Variants in FBN2 observed in about 807,000 individuals in gnomAD.
FBN2 encodes the protein fibrillin-2.
A neutral mutation model predicts 355.6 loss-of-function variants in FBN2; 105 were observed. The observed-to-expected ratio is 0.30, with a 90% CI of 0.25 to 0.35. FBN2 has a LOEUF of 0.35. Among genes scored for constraint, FBN2 ranks in the 10% least tolerant of loss-of-function variants. The pLI, the probability that FBN2 is intolerant of heterozygous loss-of-function variation, is 1.00. For synonymous variants in FBN2, 1,350 were observed against 1,301.2 expected (o/e 1.04, Z -0.81); for missense variants, 3,280 against 3,758.7 (o/e 0.87, Z 3.33).
At chr5:128,314,403 G>T (rs1328941907) in intron 36 of FBN2, among the ~76,000 whole-genome samples, 1 of 150,028 alleles carries the variant, frequency 6.7e-6, no homozygotes, top group Non-Finnish European at 1.5e-5. Flanking sequence ...TCGGCCCACT[G>T]CAACCTCTGC....
chr5:128,511,693 A>AT (rs1756135137), intron 5 of FBN2, among the ~76,000 whole-genome samples: 1 of 152,208 alleles, frequency 6.6e-6, no homozygotes, highest in Non-Finnish European at 1.5e-5. Context: ...ATGGCAGGTA[A>AT]AAGGACAGGA....
intron 44 of FBN2, 84 bp from the exon 45 acceptor site, chr5:128,305,166 G>A (rs1358062519): frequency 1.6e-6 from 2 of 1,212,588 alleles, no homozygotes; most frequent in Admixed American, 2.0e-5. Flanking sequence ...TCTCTAATCT[G>A]CTATTAATTA....
chr5:128,295,157 G>C (rs1377292865), intron 48 of FBN2, among the ~76,000 whole-genome samples: 108 of 129,942 alleles, frequency 8.3e-4, no homozygotes, highest in South Asian at 1.3e-3. Context: ...GATATGCGGC[G>C]TTATTTCTGA....
rs1199689449 is a variant in FBN2, at chr5:128,301,486, A to T, written c.5942T>A (p.Phe1981Tyr). ...ACGTCCATTTCTGCACACCTGACCAAAAAAGGAACTGCACTCATCTATGTC... is the reference window on the plus strand; with the variant it reads ...ACGTCCATTTCTGCACACCTGACCATAAAAGGAACTGCACTCATCTATGTC... ...CLDIDECSSF[F>Y]GQVCRNGRCF... The change falls in exon 47 of 65, where the codon TTT becomes TAT. Residue 1981 changes from phenylalanine (F) to tyrosine (Y), a missense_variant. Physicochemically the swap from Phe to Tyr is conservative, Grantham distance 22 (BLOSUM62 3). Transcript: ENST00000262464. 2 of 1,613,596 alleles carry T rather than the reference A, an allele frequency of 1.2e-6. No individual in the cohort carries two copies. Among genetic ancestry groups the T allele is most frequent in the South Asian group, 2.2e-5 (2 of 91,078 alleles).
At chr5:128,351,783 T>A (rs1208438554) in intron 20 of FBN2, among the ~76,000 whole-genome samples, 1 of 152,000 alleles carries the variant, frequency 6.6e-6, no homozygotes, top group African/African-American at 2.4e-5. Context: ...TTGGTCTGGT[T>A]TGGAACTCCA....
chr5:128,419,585 G>C (rs1270522884), intron 7 of FBN2, among the ~76,000 whole-genome samples: 1 of 151,764 alleles, frequency 6.6e-6, no homozygotes, highest in Non-Finnish European at 1.5e-5. Context: ...ATATATTGAG[G>C]TGATCACGGC....
intron 64 of FBN2, among the ~76,000 whole-genome samples, chr5:128,260,749 T>A (rs1412357789): frequency 6.6e-6 from 1 of 152,200 alleles, no homozygotes; most frequent in African/African-American, 2.4e-5. Flanking sequence ...ACTTTTTGGC[T>A]AGACAAGTCA....
At chr5:128,390,273 G>A (rs1752478190) in intron 11 of FBN2, among the ~76,000 whole-genome samples, 1 of 152,150 alleles carries the variant, frequency 6.6e-6, no homozygotes, top group East Asian at 1.9e-4. Context: ...ACTCTTTATA[G>A]CAGCTGTTCT....
At chr5:128,420,851 A>T (rs1753327248) in intron 7 of FBN2, among the ~76,000 whole-genome samples, 2 of 152,214 alleles carry the variant, frequency 1.3e-5, no homozygotes, top group Non-Finnish European at 2.9e-5. Context: ...AAATACCTAA[A>T]TGTGAAACAA....
At chr5:128,339,150 G>GTAACA in intron 25 of FBN2, 89 bp from the exon 26 acceptor site, 6 of 1,345,050 alleles carry the variant, frequency 4.5e-6, no homozygotes, top group Non-Finnish European at 6.4e-6. Flanking sequence ...GAAAAGTTGG[G>GTAACA]GAAATTGCTG....
intron 46 of FBN2, 58 bp from the exon 47 acceptor site, chr5:128,301,568 A>C (rs1749721197): frequency 1.3e-6 from 2 of 1,518,164 alleles, no homozygotes; most frequent in Admixed American, 1.7e-5. Context: ...ATATTGTTTC[A>C]CAAGACGCTA....
chr5:128,327,183 T>C (rs586115), intron 34 of FBN2, among the ~76,000 whole-genome samples: 32,301 of 152,188 alleles, frequency 0.21, 3,532 homozygotes, highest in African/African-American at 0.25. Context: ...TAAAATGGAT[T>C]AGATTCTGCC....
intron 54 of FBN2, 41 bp downstream of exon 54, chr5:128,287,267 G>A (rs1749180615): frequency 6.2e-7 from 1 of 1,607,974 alleles, no homozygotes; most frequent in African/African-American, 1.3e-5. Flanking sequence ...TCTCCAGCAT[G>A]ACAAATAAAG....
chr5:128,302,908 T>A (rs1053578426), intron 46 of FBN2, 65 bp downstream of exon 46: 6 of 969,156 alleles, frequency 6.2e-6, no homozygotes, highest in Non-Finnish European at 1.0e-5. Context: ...TTAGTTTTGT[T>A]TTTTATTTCA....
At chr5:128,447,145 C>T (rs79131473) in intron 6 of FBN2, among the ~76,000 whole-genome samples, 6 of 152,060 alleles carry the variant, frequency 3.9e-5, no homozygotes, top group Admixed American at 1.3e-4. Context: ...GTGATGATTG[C>T]GTTAACGGCA....
chr5:128,336,238 C>T, intron 27 of FBN2, 125 bp from the exon 28 acceptor site: 1 of 890,702 alleles, frequency 1.1e-6, no homozygotes. Flanking sequence ...GTAAAATGTT[C>T]TCCTGGGGGA....
At chr5:128,479,580 T>C (rs1054031477) in intron 5 of FBN2, among the ~76,000 whole-genome samples, 5 of 152,102 alleles carry the variant, frequency 3.3e-5, no homozygotes, top group African/African-American at 1.2e-4. Context: ...ATCTAATAAA[T>C]GGCTGAACCA....
chr5:128,423,094 G>GA (rs1165421703), intron 7 of FBN2, among the ~76,000 whole-genome samples: 1 of 151,982 alleles, frequency 6.6e-6, no homozygotes, highest in Non-Finnish European at 1.5e-5. Context: ...CAGAAATAGT[G>GA]AAAGGTAGTG....
chr5:128,334,313 C>G (rs927384315), intron 31 of FBN2, among the ~76,000 whole-genome samples: 1 of 151,910 alleles, frequency 6.6e-6, no homozygotes, highest in Non-Finnish European at 1.5e-5. Context: ...TTAATTTTTA[C>G]TAGTTTAAAA....
Sources: gnomAD v4.1 joint callset for allele counts (sites outside exome capture counted in the v4.1 genomes callset) on GRCh38, gnomAD v4.1.1 for gene constraint, MANE v1.5 for transcripts, NCBI Gene and HGNC (gene_info 2026-07-23, HGNC 2026-07-21) for gene names.